ALPK1: variants seen among roughly 807,000 people sequenced by gnomAD.
ALPK1 encodes the protein alpha kinase 1, also known as alpha-protein kinase 1.
A neutral mutation model predicts 120.6 loss-of-function variants in ALPK1; 110 were observed. The ratio of observed to expected loss-of-function variants is 0.91; its 90% confidence interval spans 0.78 to 1.07. The LOEUF is 1.07. ALPK1 is among the 50% of genes least tolerant of loss of function. The pLI is 0.00. For missense variants in ALPK1, 1,498 were observed against 1,483.9 expected, an observed-to-expected ratio of 1.01 and a Z score of -0.16; for synonymous variants, 582 against 560.3, an observed-to-expected ratio of 1.04 and a Z score of -0.55.
intron 1 of ALPK1, among the ~76,000 whole-genome samples, chr4:112,310,912 A>G (rs564315518): frequency 6.6e-6 from 1 of 151,780 alleles, no homozygotes; most frequent in East Asian, 1.9e-4. Flanking sequence ...ACTTTGGGAG[A>G]GCGGAAGTAG....
rs1225059162 is a variant in ALPK1, at chr4:112,426,505, A to C, written c.661A>C (p.Ile221Leu). 3 of 1,590,992 alleles carry C rather than the reference A, an allele frequency of 1.9e-6. No homozygotes were observed. The highest frequency in any genetic ancestry group is 3.6e-5 in the Admixed American group (2 of 55,644). Residue 221 changes from isoleucine (I) to leucine (L), a missense_variant, in exon 8 of 16, where the codon ATT (isoleucine) becomes CTT (leucine). Transcript: ENST00000650871. ...AGCAGCAGAGTTAATATGGGCCTCC[A>C]TTGTAGGATATTTGGCACTTCCTCA... ...YEAAELIWAS[I>L]VGYLALPQPD...
chr4:112,303,212 A>T (rs760918031), intron 1 of ALPK1, among the ~76,000 whole-genome samples: 4 of 152,100 alleles, frequency 2.6e-5, no homozygotes, highest in African/African-American at 9.7e-5. Flanking sequence ...CCTTGGATGT[A>T]CTTAACACTA....
chr4:112,314,048 AGAG>A, intron 1 of ALPK1, among the ~76,000 whole-genome samples: 1 of 152,250 alleles, frequency 6.6e-6, no homozygotes, highest in East Asian at 1.9e-4. Context: ...TGAGAGAGGA[AGAG>A]GAGAGAAATA....
At chr4:112,318,373 T>C (rs1388089530) in intron 2 of ALPK1, among the ~76,000 whole-genome samples, 3 of 152,236 alleles carry the variant, frequency 2.0e-5, no homozygotes, top group African/African-American at 7.2e-5. Flanking sequence ...CATTTAAAGA[T>C]GAAGAAACGA....
chr4:112,310,640 C>T (rs1441312561), intron 1 of ALPK1, among the ~76,000 whole-genome samples: 2 of 152,072 alleles, frequency 1.3e-5, no homozygotes, highest in South Asian at 2.1e-4. Context: ...TACATTGACT[C>T]CTTGTGTTAG....
In ALPK1 at chr4:112,441,496, T is replaced by C. The variant is rs1345135147; in HGVS notation, c.*286T>C. The C allele has an allele frequency of 7.0e-6, 3 of 430,754 alleles. No individual in the cohort carries two copies. Among genetic ancestry groups the C allele is most frequent in the Non-Finnish European group, 1.2e-5 (3 of 240,928 alleles). The allele number at this position is 430,754 out of a possible 1,614,324, so 26.7% of individuals were successfully genotyped here. ...GAAAGGCATGTGTTGTTTAAGCCAT[T>C]GAGATTTTAGAGCTTTTTGTCACTA... On this transcript the variant is annotated 3_prime_UTR_variant, in exon 16 of 16. Transcript: ENST00000650871.
rs1215518779 is a variant in ALPK1 at position 112,432,235 on chromosome 4, C to T, written c.2688C>T (p.Ile896=). The T allele has an allele frequency of 6.2e-7, 1 of 1,614,216 alleles. No homozygotes were observed. Among genetic ancestry groups the T allele is most frequent in the African/African-American group, 1.3e-5 (1 of 75,054 alleles). ...CCAATTCCTCTGTAAGCGGTAACAT[C>T]CTCTTCCCTGTCCTCAGCGAGGACT... ...ETPNSSVSGN[I]LFPVLSEDCT... Residue 896 remains isoleucine (I), a synonymous_variant, in exon 11 of 16, where the codon ATC becomes ATT. Transcript: ENST00000650871.
chr4:112,303,503 A>C (rs1273979123), intron 1 of ALPK1, among the ~76,000 whole-genome samples: 1 of 152,144 alleles, frequency 6.6e-6, no homozygotes, highest in African/African-American at 2.4e-5. Flanking sequence ...CCATTCTCTG[A>C]ATGTCTTTTG....
At chr4:112,388,275 T>A (rs1464456430) in intron 4 of ALPK1, among the ~76,000 whole-genome samples, 1 of 152,226 alleles carries the variant, frequency 6.6e-6, no homozygotes, top group Non-Finnish European at 1.5e-5. Flanking sequence ...AGTTGGTTAT[T>A]GCAAGATTGC....
chr4:112,331,233 C>T (rs755999870), intron 2 of ALPK1, among the ~76,000 whole-genome samples: 4 of 152,186 alleles, frequency 2.6e-5, no homozygotes, highest in South Asian at 4.1e-4. Context: ...GACAGGAAAA[C>T]GGACATGTGC....
intron 2 of ALPK1, among the ~76,000 whole-genome samples, chr4:112,364,368 G>C (rs889800885): frequency 6.6e-6 from 1 of 151,894 alleles, no homozygotes; most frequent in Non-Finnish European, 1.5e-5. Flanking sequence ...AATTAGAAAA[G>C]AAATGGAAGA....
At chr4:112,339,715 C>CAGCTG (rs1729776735) in intron 2 of ALPK1, among the ~76,000 whole-genome samples, 1 of 152,156 alleles carries the variant, frequency 6.6e-6, no homozygotes, top group African/African-American at 2.4e-5. Context: ...TGGATATAGT[C>CAGCTG]AGCTGAGTTG....
rs1436398130 is a variant in ALPK1 at position 112,432,156 on chromosome 4, G to A, written c.2609G>A (p.Gly870Asp). Residue 870 changes from glycine to aspartate, a missense_variant, in exon 11 of 16, where the codon GGC (glycine) becomes GAC (aspartate). Gly to Asp is a moderately conservative substitution (Grantham distance 94, BLOSUM62 -1). Coordinates refer to ENST00000650871, the MANE Select transcript of ALPK1 (RefSeq NM_025144.4). ...GATGTTCCCTGCACAAATGGGCACG[G>A]CTCTCATAGACTGTGCATTCTGAGA... The part of the protein sequence containing the change: ...SMDVPCTNGH[G>D]SHRLCILRQP... The A allele has an allele frequency of 1.1e-5, 17 of 1,614,172 alleles. No homozygotes were observed. The highest frequency in any genetic ancestry group is 1.4e-5 in the Non-Finnish European group (17 of 1,180,028).
chr4:112,356,519 C>T (rs1730622732), intron 2 of ALPK1: 1 of 867,060 alleles, frequency 1.2e-6, no homozygotes, highest in Non-Finnish European at 2.0e-6. Flanking sequence ...AGAACACCTC[C>T]TACCGGCCTG....
chr4:112,422,884 G>C (rs760400544), intron 5 of ALPK1, among the ~76,000 whole-genome samples: 16 of 152,212 alleles, frequency 1.1e-4, no homozygotes, highest in Non-Finnish European at 2.2e-4. Context: ...ATTGGGCTAA[G>C]TTCCAAGAAG....
chr4:112,434,159 A>G (rs1256356270), intron 11 of ALPK1, among the ~76,000 whole-genome samples: 2 of 152,216 alleles, frequency 1.3e-5, no homozygotes, highest in Non-Finnish European at 2.9e-5. Context: ...ATCGTTTGCT[A>G]ATTTATGGAT....
chr4:112,338,320 T>C (rs1729714759), intron 2 of ALPK1, among the ~76,000 whole-genome samples: 1 of 152,242 alleles, frequency 6.6e-6, no homozygotes, highest in Non-Finnish European at 1.5e-5. Context: ...CTAGGAAAAC[T>C]GTTTTTGAGT....
intron 4 of ALPK1, among the ~76,000 whole-genome samples, chr4:112,387,184 G>T (rs1732190579): frequency 6.6e-6 from 1 of 152,228 alleles, no homozygotes; most frequent in Non-Finnish European, 1.5e-5. Context: ...CAACGTGGAT[G>T]CCACCTTGGG....
intron 12 of ALPK1, among the ~76,000 whole-genome samples, chr4:112,436,119 T>C (rs1734779166): frequency 6.6e-6 from 1 of 152,230 alleles, no homozygotes. Flanking sequence ...CAAATCCAAA[T>C]AGTGTAAGAA....
Sources: gnomAD v4.1 joint callset for allele counts (sites outside exome capture counted in the v4.1 genomes callset) on GRCh38, gnomAD v4.1.1 for gene constraint, MANE v1.5 for transcripts, NCBI Gene and HGNC (gene_info 2026-07-23, HGNC 2026-07-21) for gene names.